Variants in MECOM observed in about 807,000 individuals in gnomAD.
MECOM encodes the protein histone-lysine N-methyltransferase MECOM.
A neutral mutation model predicts 116.3 loss-of-function variants in MECOM; 13 were observed. That is an observed-to-expected ratio of 0.11 (90% CI 0.07 to 0.18). The LOEUF (loss-of-function observed/expected upper bound fraction) is 0.18. Among genes scored for constraint, MECOM ranks in the 10% least tolerant of loss-of-function variants. MECOM has a pLI of 1.00. For synonymous variants in MECOM, 528 were observed against 535.2 expected, an observed-to-expected ratio of 0.99 and a Z score of 0.19; for missense variants, 1,299 against 1,509.0, an observed-to-expected ratio of 0.86 and a Z score of 2.31.
chr3:169,495,523 T>C (rs1175510436), intron 1 of MECOM, among the ~76,000 whole-genome samples: 2 of 152,210 alleles, frequency 1.3e-5, no homozygotes, highest in Non-Finnish European at 2.9e-5. Flanking sequence ...AGACTATATT[T>C]TTCGAAAGAA....
intron 1 of MECOM, among the ~76,000 whole-genome samples, chr3:169,406,839 G>GT (rs11375902): frequency 0.17 from 23,928 of 143,404 alleles, 2,058 homozygotes; most frequent in East Asian, 0.35. Context: ...TTTGGTTACT[G>GT]TTTTTTTTTG....
intron 1 of MECOM, among the ~76,000 whole-genome samples, chr3:169,407,114 T>C (rs1487548154): frequency 2.6e-5 from 4 of 152,182 alleles, no homozygotes; most frequent in Non-Finnish European, 5.9e-5. Flanking sequence ...CCCAAAGTGC[T>C]GGGATTACAG....
intron 10 of MECOM, among the ~76,000 whole-genome samples, chr3:169,105,003 G>A (rs1724880289): frequency 6.6e-6 from 1 of 152,116 alleles, no homozygotes; most frequent in African/African-American, 2.4e-5. Flanking sequence ...TTGGCTTCTG[G>A]TGTCAAATGA....
intron 2 of MECOM, among the ~76,000 whole-genome samples, chr3:169,336,845 T>C (rs982721772): frequency 2.0e-5 from 3 of 152,152 alleles, no homozygotes; most frequent in Non-Finnish European, 2.9e-5. Context: ...GTTTCAGAGA[T>C]ACTACCTTTA....
intron 5 of MECOM, among the ~76,000 whole-genome samples, chr3:169,127,221 AT>A (rs780888816): frequency 2.6e-5 from 4 of 152,176 alleles, no homozygotes; most frequent in Non-Finnish European, 5.9e-5. Context: ...TCAAAAGGCT[AT>A]AAAAAGTTAA....
At chr3:169,518,436 T>C (rs182340800) in intron 1 of MECOM, among the ~76,000 whole-genome samples, 44 of 152,270 alleles carry the variant, frequency 2.9e-4, no homozygotes, top group Admixed American at 1.3e-3. Context: ...TTCCTGGGAT[T>C]ATGAATCTAA....
chr3:169,372,196 A>G (rs903239941), intron 2 of MECOM, among the ~76,000 whole-genome samples: 1 of 152,074 alleles, frequency 6.6e-6, no homozygotes, highest in African/African-American at 2.4e-5. Context: ...AACTAAGTTC[A>G]CAGCCAATAT....
At chr3:169,430,614 T>G (rs1741457629) in intron 1 of MECOM, among the ~76,000 whole-genome samples, 1 of 152,194 alleles carries the variant, frequency 6.6e-6, no homozygotes, top group Non-Finnish European at 1.5e-5. Flanking sequence ...CACTATTTCC[T>G]AGTAATCTGT....
intron 1 of MECOM, among the ~76,000 whole-genome samples, chr3:169,519,607 G>A (rs1408892527): frequency 1.3e-5 from 2 of 152,198 alleles, no homozygotes; most frequent in African/African-American, 2.4e-5. Context: ...TTGCTTTTAG[G>A]AGGAGCCCAT....
At chr3:169,105,980 C>A (rs2148989446) in intron 10 of MECOM, among the ~76,000 whole-genome samples, 1 of 152,184 alleles carries the variant, frequency 6.6e-6, no homozygotes, top group South Asian at 2.1e-4. Context: ...TAATTGATGA[C>A]AAAAAGGTTT....
At chr3:169,604,958 A>G (rs981340799) in intron 1 of MECOM, among the ~76,000 whole-genome samples, 2 of 152,198 alleles carry the variant, frequency 1.3e-5, no homozygotes, top group Non-Finnish European at 1.5e-5. Context: ...GACAGAATGA[A>G]ATTAGTATCT....
intron 1 of MECOM, among the ~76,000 whole-genome samples, chr3:169,406,290 G>C (rs1736682727): frequency 6.6e-6 from 1 of 152,100 alleles, no homozygotes; most frequent in African/African-American, 2.4e-5. Context: ...TAATTAACTG[G>C]GAAATTCTGA....
intron 2 of MECOM, among the ~76,000 whole-genome samples, chr3:169,274,034 C>A (rs1453264952): frequency 6.6e-6 from 1 of 151,738 alleles, no homozygotes; most frequent in Non-Finnish European, 1.5e-5. Flanking sequence ...GCCTCAGCCT[C>A]CCAAGTAGCT....
chr3:169,194,439 A>G (rs140861046), intron 2 of MECOM, among the ~76,000 whole-genome samples: 2,558 of 152,162 alleles, frequency 0.017, 39 homozygotes, highest in Non-Finnish European at 0.021. Context: ...CGTTGTGCAC[A>G]TGTACCCTAA....
At chr3:169,510,069 G>A (rs1407593627) in intron 1 of MECOM, among the ~76,000 whole-genome samples, 3 of 152,200 alleles carry the variant, frequency 2.0e-5, no homozygotes, top group Non-Finnish European at 2.9e-5. Context: ...TCTCAGACAC[G>A]TGCACCGTGC....
chr3:169,262,037 G>A (rs1317112908), intron 2 of MECOM, among the ~76,000 whole-genome samples: 3 of 152,156 alleles, frequency 2.0e-5, no homozygotes, highest in East Asian at 1.9e-4. Flanking sequence ...TTTATGGAAC[G>A]TCTACCCTGT....
intron 1 of MECOM, among the ~76,000 whole-genome samples, chr3:169,594,673 G>A (rs572653863): frequency 6.6e-6 from 1 of 151,538 alleles, no homozygotes; most frequent in South Asian, 2.1e-4. Context: ...GGAGATCCAG[G>A]CCCATCCGCT....
At chr3:169,224,065 C>T (rs1359796623) in intron 2 of MECOM, among the ~76,000 whole-genome samples, 1 of 152,100 alleles carries the variant, frequency 6.6e-6, no homozygotes, top group Non-Finnish European at 1.5e-5. Context: ...TTTTCTATGC[C>T]CCACTGACGG....
intron 1 of MECOM, among the ~76,000 whole-genome samples, chr3:169,622,718 T>A (rs1311590386): frequency 6.6e-6 from 1 of 152,194 alleles, no homozygotes; most frequent in African/African-American, 2.4e-5. Context: ...TGCCTGGCAC[T>A]GTGTTGGCAC....
Sources: allele counts gnomAD v4.1 joint callset (sites outside exome capture counted in the v4.1 genomes callset), GRCh38; gene constraint gnomAD v4.1.1; transcripts MANE v1.5; gene names NCBI Gene and HGNC (gene_info 2026-07-23, HGNC 2026-07-21).